Variants in KEL observed in about 807,000 individuals in gnomAD.
The protein encoded by KEL is kell blood group glycoprotein.
A neutral mutation model predicts 99.5 loss-of-function variants in KEL; 96 were observed. That is an observed-to-expected ratio of 0.97 (90% confidence interval 0.82 to 1.14). KEL has a LOEUF of 1.14. Ranked by LOEUF, KEL falls within the 50% of genes most tolerant of loss-of-function variation. The pLI, the probability that KEL is intolerant of heterozygous loss-of-function variation, is 0.00. For synonymous variants in KEL, 355 were observed against 354.8 expected, an observed-to-expected ratio of 1.00 and a Z score of -0.01; for missense variants, 926 against 924.2, an observed-to-expected ratio of 1.00 and a Z score of -0.03.
intron 11 of KEL, 36 bp downstream of exon 11, chr7:142,946,171 G>A (rs780342426): frequency 1.3e-5 from 19 of 1,421,578 alleles, no homozygotes; most frequent in African/African-American, 2.8e-5. Flanking sequence ...GTAGGAAGGG[G>A]TGGAGGGATG....
At position 142,942,923 on chromosome 7, in the gene KEL, T is replaced by C; in HGVS notation, c.1893A>G (p.Thr631=). 3 of 1,614,172 alleles carry C rather than the reference T, an allele frequency of 1.9e-6. No homozygotes were observed. The highest frequency in any genetic ancestry group is 2.5e-6 in the Non-Finnish European group (3 of 1,180,024). ...PSRTSFNDSL[T]FLENAADVGG... is the part of the protein sequence containing the mutation. ...CAACGTCTGCAGCATTCTCTAAGAA[T>C]GTGAGGGAGTCATTGAAGGAGGTTC... Residue 631 remains threonine, a synonymous_variant, in exon 17 of 19, where the codon ACA becomes ACG. Transcript: ENST00000355265.
intron 6 of KEL, among the ~76,000 whole-genome samples, 185 bp downstream of exon 6, chr7:142,957,642 C>T (rs780020415): frequency 1.8e-4 from 27 of 152,224 alleles, no homozygotes; most frequent in Non-Finnish European, 3.7e-4. Flanking sequence ...GGCTCTGCTG[C>T]TCCATTTCCC....
chr7:142,948,779 A>G (rs1045878923), intron 10 of KEL, among the ~76,000 whole-genome samples: 1 of 152,184 alleles, frequency 6.6e-6, no homozygotes, highest in African/African-American at 2.4e-5. Context: ...GCAGTGCAAC[A>G]TCAGAGCTAC....
chr7:142,944,996 G>T, intron 11 of KEL: 1 of 570,388 alleles, frequency 1.8e-6, no homozygotes, highest in East Asian at 3.0e-5. Flanking sequence ...CCTTTCCATG[G>T]GGAAATAGCC....
chr7:142,942,108 C>A, intron 18 of KEL: 1 of 406,032 alleles, frequency 2.5e-6, no homozygotes, highest in South Asian at 2.9e-5. Context: ...TGTGCCCAAC[C>A]ACAGGCTCAT....
At chr7:142,942,559 C>A in intron 17 of KEL, 30 bp from the exon 18 acceptor site, 1 of 1,501,902 alleles carries the variant, frequency 6.7e-7, no homozygotes, top group Non-Finnish European at 9.2e-7. Context: ...GAAGGGCCAT[C>A]AGGCTCTAGA....
chr7:142,954,826 G>C (rs1221179314), intron 6 of KEL, among the ~76,000 whole-genome samples: 1 of 152,092 alleles, frequency 6.6e-6, no homozygotes, highest in Non-Finnish European at 1.5e-5. Flanking sequence ...TCAGGAACAG[G>C]GCCAGGGTGA....
chr7:142,961,895 G>A (rs767405696), intron 1 of KEL, 23 bp from the exon 2 acceptor site: 5 of 1,612,270 alleles, frequency 3.1e-6, no homozygotes, highest in Non-Finnish European at 4.2e-6. Flanking sequence ...GAGGGAGAAG[G>A]AGGAGAGAGA....
At chr7:142,949,575 T>C (rs1236763861) in intron 10 of KEL, among the ~76,000 whole-genome samples, 2 of 152,264 alleles carry the variant, frequency 1.3e-5, no homozygotes, top group Non-Finnish European at 2.9e-5. Context: ...TATTTATTTG[T>C]CTTTTTTGTT....
rs778692006 is a variant in KEL at position 142,954,274 on chromosome 7, G to C, written c.834C>G (p.Ile278Met). 1.9e-6 allele frequency: 3 copies of C among 1,614,104 alleles called. No individual in the cohort carries two copies. The South Asian group carries it at 3.3e-5, about 18-fold the overall frequency. ...VQEHSSLSIS[I>M]TSRLFQFLRP... ...TCAGAAACTGGAACAGCCGTGAAGT[G>C]ATGGAGATTGACAAGGAAGAGTGTT... The change falls in exon 8 of 19, where the codon ATC becomes ATG. Residue 278 changes from isoleucine (I) to methionine (M), a missense_variant. Transcript: ENST00000355265.
At chr7:142,954,057 G>C in intron 8 of KEL, 101 bp from the exon 9 acceptor site, 3 of 1,441,746 alleles carry the variant, frequency 2.1e-6, no homozygotes, top group Non-Finnish European at 2.9e-6. Context: ...AGGCTAACTG[G>C]GGGAGGGGAT....
Position 142,943,340 on chromosome 7 carries a change from G to T in KEL, c.1707C>A (p.Ala569=). The change falls in exon 16 of 19, where the codon GCC becomes GCA. Residue 569 remains alanine (A), a synonymous_variant. Coordinates refer to ENST00000355265, the MANE Select transcript of KEL (RefSeq NM_000420.3). ...TGCTGCCAGCAGCGCCAAAGTTCACGGCTCTAGGGAGACAAGGGCTTATTT... is the reference window on the plus strand; with the variant it reads ...TGCTGCCAGCAGCGCCAAAGTTCACTGCTCTAGGGAGACAAGGGCTTATTT... ...PPFFHPGYPR[A]VNFGAAGSIM... is the part of the protein sequence containing the mutation. The T allele has an allele frequency of 6.2e-7, 1 of 1,614,086 alleles. No individual in the cohort carries two copies.
At chr7:142,941,804 G>A (rs1010557296) in intron 18 of KEL, among the ~76,000 whole-genome samples, 2 of 150,970 alleles carry the variant, frequency 1.3e-5, no homozygotes, top group East Asian at 1.9e-4. Flanking sequence ...TCAGCCTGTC[G>A]CAGGCTTTTT....
intron 4 of KEL, among the ~76,000 whole-genome samples, chr7:142,959,416 T>C (rs918094254): frequency 1.3e-5 from 2 of 149,588 alleles, no homozygotes; most frequent in African/African-American, 4.9e-5. Flanking sequence ...ATATGGAAAA[T>C]AAAAGAAATG....
intron 10 of KEL, among the ~76,000 whole-genome samples, chr7:142,949,570 A>G (rs1796622514): frequency 1.3e-5 from 2 of 152,014 alleles, no homozygotes; most frequent in African/African-American, 4.8e-5. Flanking sequence ...AGGATTATTT[A>G]TTTGTCTTTT....
rs1203564670 is a variant in KEL at position 142,942,449 on chromosome 7, AAAG to A, written c.2019_2021del (p.Phe674del). 16 of 1,600,462 alleles carry A rather than the reference AAAG, an allele frequency of 1.0e-5. No homozygotes were observed. Among genetic ancestry groups the A allele is most frequent in the Admixed American group, 1.7e-5 (1 of 58,446 alleles). On this transcript the variant is annotated inframe_deletion, in exon 18 of 19. Coordinates refer to ENST00000355265, the MANE Select transcript of KEL (RefSeq NM_000420.3). ...CGCTGCCTACCTGGGCATAGCTTCG[AAAG>A]AAGATCTGCTGGGGGCTGAGGTCCA... is the stretch of plus-strand genomic sequence containing the variant.
rs1176045033 is a variant in KEL at position 142,944,640 on chromosome 7, G to A, written c.1413+3C>T. ...CCACACCAGCCAGGACGCCTGGCCTGACCTTGTCCTGGGCCATGTTCTGGG... is the reference window on the plus strand; with the variant it reads ...CCACACCAGCCAGGACGCCTGGCCTAACCTTGTCCTGGGCCATGTTCTGGG... On this transcript the variant is annotated splice_donor_region_variant and intron_variant, in intron 12 of 18. Transcript: ENST00000355265. 15 of 1,611,488 alleles carry A rather than the reference G, an allele frequency of 9.3e-6. No homozygotes were observed. Among genetic ancestry groups the A allele is most frequent in the Non-Finnish European group, 1.3e-5 (15 of 1,177,714 alleles).
intron 6 of KEL, among the ~76,000 whole-genome samples, chr7:142,954,956 T>C (rs143038250): frequency 1.3e-5 from 2 of 152,254 alleles, no homozygotes; most frequent in East Asian, 1.9e-4. Flanking sequence ...CAGCCAGCCA[T>C]ACCAGCTGAT....
chr7:142,959,492 G>A (rs534375472), intron 4 of KEL, among the ~76,000 whole-genome samples: 13 of 152,170 alleles, frequency 8.5e-5, no homozygotes, highest in African/African-American at 2.9e-4. Flanking sequence ...GTGGGATATG[G>A]GCAAAGGAGA....
Sources: gnomAD v4.1 joint callset for allele counts (sites outside exome capture counted in the v4.1 genomes callset) on GRCh38, gnomAD v4.1.1 for gene constraint, MANE v1.5 for transcripts, NCBI Gene and HGNC (gene_info 2026-07-23, HGNC 2026-07-21) for gene names.